Variants in SOX6 observed in about 807,000 individuals in gnomAD.
SOX6 encodes SRY-box transcription factor 6, also known as transcription factor SOX-6.
Under a neutral mutation model 97.8 loss-of-function variants are expected in SOX6, and 11 were observed. The ratio of observed to expected loss-of-function variants is 0.11; its 90% CI spans 0.07 to 0.19. The LOEUF is 0.19. Ranked by LOEUF, SOX6 falls within the 10% of genes least tolerant of loss-of-function variation. SOX6 has a pLI of 1.00. For synonymous variants in SOX6, 360 were observed against 371.4 expected (o/e 0.97, Z 0.35); for missense variants, 810 against 1,039.5 (o/e 0.78, Z 3.04).
chr11:16,706,715 A>G (rs1193992344), intron 3 of SOX6, among the ~76,000 whole-genome samples: 2 of 150,038 alleles, frequency 1.3e-5, no homozygotes, highest in Non-Finnish European at 3.0e-5. Flanking sequence ...TTGAGTTTGG[A>G]TTTTTGGATT....
chr11:16,544,578 T>C (rs912519724), intron 4 of SOX6, among the ~76,000 whole-genome samples: 1 of 152,178 alleles, frequency 6.6e-6, no homozygotes, highest in Non-Finnish European at 1.5e-5. Flanking sequence ...GTTTTGTTTT[T>C]GGAGTGATGA....
At chr11:16,497,207 G>T (rs1860615146) in intron 4 of SOX6, among the ~76,000 whole-genome samples, 1 of 152,132 alleles carries the variant, frequency 6.6e-6, no homozygotes, top group Non-Finnish European at 1.5e-5. Context: ...AGGCAAACAG[G>T]GACTAGAGTG....
chr11:16,439,277 A>G (rs891041821), intron 1 of SOX6, among the ~76,000 whole-genome samples: 11 of 152,214 alleles, frequency 7.2e-5, no homozygotes, highest in African/African-American at 2.7e-4. Flanking sequence ...AGCCTTAATT[A>G]CAGTCACTCC....
intron 9 of SOX6, among the ~76,000 whole-genome samples, chr11:16,073,753 A>G (rs1848280422): frequency 6.6e-6 from 1 of 152,250 alleles, no homozygotes; most frequent in Non-Finnish European, 1.5e-5. Flanking sequence ...CTCAGACCAC[A>G]GCATGATAAA....
intron 3 of SOX6, chr11:16,313,630 T>C (rs1456674127): frequency 1.3e-5 from 2 of 152,106 alleles, no homozygotes; most frequent in African/African-American, 2.4e-5. Flanking sequence ...CCTAAACTTT[T>C]TAATGACCCT....
intron 4 of SOX6, among the ~76,000 whole-genome samples, chr11:16,499,040 T>C (rs4573649): frequency 0.096 from 14,663 of 152,200 alleles, 821 homozygotes; most frequent in Non-Finnish European, 0.13. Flanking sequence ...TATTCCAAAA[T>C]TGACCACATA....
At chr11:16,129,281 G>A (rs1280813467) in intron 6 of SOX6, among the ~76,000 whole-genome samples, 1 of 152,132 alleles carries the variant, frequency 6.6e-6, no homozygotes, top group Non-Finnish European at 1.5e-5. Flanking sequence ...TAAAGAGGAT[G>A]AAAGCAAATC....
chr11:15,982,244 T>C (rs2119817242), intron 15 of SOX6, among the ~76,000 whole-genome samples: 1 of 152,188 alleles, frequency 6.6e-6, no homozygotes, highest in African/African-American at 2.4e-5. Context: ...GGCCATTTAC[T>C]AGCTGTGTGG....
At chr11:16,563,789 G>T (rs974343223) in intron 4 of SOX6, among the ~76,000 whole-genome samples, 4 of 152,054 alleles carry the variant, frequency 2.6e-5, no homozygotes, top group African/African-American at 9.7e-5. Flanking sequence ...TAAATTCAAA[G>T]AAATTCATGC....
chr11:16,047,611 A>G (rs1002384140), intron 11 of SOX6, among the ~76,000 whole-genome samples: 1 of 151,836 alleles, frequency 6.6e-6, no homozygotes, highest in Non-Finnish European at 1.5e-5. Context: ...TTAGACAAAA[A>G]GAGGGCAATT....
At chr11:16,320,344 T>A (rs1198934331) in intron 2 of SOX6, among the ~76,000 whole-genome samples, 1 of 151,990 alleles carries the variant, frequency 6.6e-6, no homozygotes, top group African/African-American at 2.4e-5. Flanking sequence ...AGTTAATAAC[T>A]AATGGGAAAA....
At chr11:16,036,823 C>T (rs992551501) in intron 12 of SOX6, among the ~76,000 whole-genome samples, 21 of 152,110 alleles carry the variant, frequency 1.4e-4, no homozygotes, top group Admixed American at 9.8e-4. Context: ...CAAGTGATCG[C>T]GTATGCTTCT....
chr11:16,731,509 A>C (rs1285533689), intron 2 of SOX6, among the ~76,000 whole-genome samples: 1 of 152,210 alleles, frequency 6.6e-6, no homozygotes, highest in Non-Finnish European at 1.5e-5. Context: ...TGATTATCTC[A>C]ATAGATGCAG....
intron 4 of SOX6, among the ~76,000 whole-genome samples, chr11:16,501,903 G>C (rs1243284805): frequency 1.3e-5 from 2 of 152,194 alleles, no homozygotes; most frequent in Non-Finnish European, 2.9e-5. Context: ...AGTCAGTGTG[G>C]CGATTCCTCA....
At chr11:16,203,952 A>C (rs1452435552) in intron 4 of SOX6, among the ~76,000 whole-genome samples, 1 of 152,080 alleles carries the variant, frequency 6.6e-6, no homozygotes, top group Non-Finnish European at 1.5e-5. Context: ...GAATTAGTAA[A>C]GTGAAAAAAA....
chr11:16,167,726 C>T (rs1850924050), intron 6 of SOX6, among the ~76,000 whole-genome samples: 1 of 152,148 alleles, frequency 6.6e-6, no homozygotes, highest in Admixed American at 6.6e-5. Context: ...CTTGCTTCTT[C>T]CATTCCTGTG....
At chr11:16,504,044 AAAATAAAT>A (rs77343447) in intron 4 of SOX6, among the ~76,000 whole-genome samples, 9,573 of 139,460 alleles carry the variant, frequency 0.069, 398 homozygotes, top group African/African-American at 0.12. Context: ...CTCCATCTCA[AAAATAAAT>A]AAATAAATAA....
At chr11:16,527,843 G>C (rs1474679379) in intron 4 of SOX6, among the ~76,000 whole-genome samples, 1 of 152,108 alleles carries the variant, frequency 6.6e-6, no homozygotes, top group Non-Finnish European at 1.5e-5. Flanking sequence ...ATAAATGTCT[G>C]TCGTTTCAAG....
intron 3 of SOX6, among the ~76,000 whole-genome samples, chr11:16,248,133 A>C (rs1853395726): frequency 6.6e-6 from 1 of 152,206 alleles, no homozygotes; most frequent in African/African-American, 2.4e-5. Flanking sequence ...TCTCACATCC[A>C]GGTCATGCAG....
Sources: allele counts gnomAD v4.1 joint callset (sites outside exome capture counted in the v4.1 genomes callset), GRCh38; gene constraint gnomAD v4.1.1; transcripts MANE v1.5; gene names NCBI Gene and HGNC (gene_info 2026-07-23, HGNC 2026-07-21).